DPH6: variants seen among roughly 807,000 people sequenced by gnomAD.
DPH6 encodes the protein diphthamine biosynthesis 6, also known as diphthine--ammonia ligase.
A neutral mutation model predicts 38.2 loss-of-function variants in DPH6; 33 were observed. The ratio of observed to expected loss-of-function variants is 0.86; its 90% CI spans 0.65 to 1.15. The LOEUF (loss-of-function observed/expected upper bound fraction) is 1.15. Among genes scored for constraint, DPH6 ranks in the 50% most tolerant of loss-of-function variants. The pLI is 0.00. For synonymous variants in DPH6, 108 were observed against 103.0 expected (o/e 1.05, Z -0.30); for missense variants, 325 against 320.0 (o/e 1.02, Z -0.12).
intron 6 of DPH6, among the ~76,000 whole-genome samples, chr15:35,404,731 A>C (rs769339667): frequency 4.1e-4 from 62 of 152,094 alleles, no homozygotes; most frequent in Non-Finnish European, 7.4e-5. Context: ...AACTTGATGC[A>C]ATCCCATCTG....
the DPH6 span, among the ~76,000 whole-genome samples, chr15:35,185,955 C>T: frequency 1.3e-5 from 2 of 151,882 alleles, no homozygotes; most frequent in Non-Finnish European, 2.9e-5. Context: ...AGGATGGTCT[C>T]GATCTCCTGA....
At chr15:35,380,664 T>C (rs906523146) in intron 7 of DPH6, among the ~76,000 whole-genome samples, 1 of 152,214 alleles carries the variant, frequency 6.6e-6, no homozygotes, top group African/African-American at 2.4e-5. Flanking sequence ...TATTATTTCA[T>C]AGAAGTAATA....
intron 3 of DPH6, chr15:35,282,958 T>C: frequency 3.3e-6 from 1 of 306,616 alleles, no homozygotes; most frequent in Non-Finnish European, 6.8e-6. Flanking sequence ...TGTTCAGGCT[T>C]GGCCTGCACA....
At position 35,472,959 on chromosome 15, in the gene DPH6, G is replaced by GT. The variant is rs143672428; in HGVS notation, c.313-18140dup. 3.5e-3 allele frequency among the ~76,000 whole-genome samples: 533 copies of GT among 151,090 alleles called. 3 individuals carry two copies. The highest frequency in any genetic ancestry group is 0.012 in the African/African-American group (514 of 41,214). The stretch of plus-strand genomic sequence containing the variant: ...ACATCATAAAATTCAGTGGTATCCA[G>GT]TATCACCACATGCAGGGTTAGTAAT... On this transcript the variant is annotated intron_variant, in intron 3 of 8. Coordinates refer to ENST00000256538, the MANE Select transcript of DPH6 (RefSeq NM_080650.4).
At chr15:35,524,495 A>C (rs2054969993) in intron 3 of DPH6, among the ~76,000 whole-genome samples, 1 of 152,118 alleles carries the variant, frequency 6.6e-6, no homozygotes, top group Admixed American at 6.6e-5. Flanking sequence ...TTATGTATGC[A>C]CTATATATGT....
chr15:35,504,289 CTAGTCACACCAAA>C (rs2054665956), intron 3 of DPH6, among the ~76,000 whole-genome samples: 1 of 152,068 alleles, frequency 6.6e-6, no homozygotes, highest in Admixed American at 6.6e-5. Context: ...TATATATCAT[CTAGTCACACCAAA>C]TTATGAGAGG....
At chr15:35,422,890 G>C (rs1388714377) in intron 5 of DPH6, among the ~76,000 whole-genome samples, 2 of 151,752 alleles carry the variant, frequency 1.3e-5, no homozygotes, top group African/African-American at 4.8e-5. Context: ...AAAATGGTTA[G>C]ATTTCCTTTT....
At chr15:35,271,062 A>G (rs996909571) in intron 3 of DPH6, among the ~76,000 whole-genome samples, 1 of 152,192 alleles carries the variant, frequency 6.6e-6, no homozygotes, top group African/African-American at 2.4e-5. Flanking sequence ...GAATTGAGGT[A>G]GGGTATAAAT....
At chr15:35,378,835 G>C (rs796951320) in intron 7 of DPH6, among the ~76,000 whole-genome samples, 4 of 151,884 alleles carry the variant, frequency 2.6e-5, no homozygotes, top group African/African-American at 7.2e-5. Context: ...GGGGTGGGGG[G>C]CTGGGGGAAG....
intron 5 of DPH6, among the ~76,000 whole-genome samples, chr15:35,447,734 A>G (rs555259104): frequency 1.3e-5 from 2 of 152,210 alleles, no homozygotes; most frequent in South Asian, 4.1e-4. Flanking sequence ...TTGTGCATTG[A>G]CAACACTTTC....
At chr15:35,258,136 T>C (rs1005235729) in intron 3 of DPH6, among the ~76,000 whole-genome samples, 1 of 152,182 alleles carries the variant, frequency 6.6e-6, no homozygotes, top group African/African-American at 2.4e-5. Flanking sequence ...TGTTTTTAAT[T>C]TGTGCCAAGA....
chr15:35,202,032 G>A, the DPH6 span, among the ~76,000 whole-genome samples: 3 of 151,654 alleles, frequency 2.0e-5, no homozygotes, highest in Non-Finnish European at 4.4e-5. Flanking sequence ...ATGAGAATTT[G>A]TTTTCCTTTT....
At chr15:35,366,752 T>G (rs1262980654), downstream of DPH6, among the ~76,000 whole-genome samples, 1 of 151,946 alleles carries the variant, frequency 6.6e-6, no homozygotes, top group East Asian at 1.9e-4. Context: ...CAACAACATA[T>G]TATGGCCATA....
chr15:35,473,534 T>G (rs971863990), intron 3 of DPH6, among the ~76,000 whole-genome samples: 6 of 152,158 alleles, frequency 3.9e-5, no homozygotes, highest in African/African-American at 1.4e-4. Flanking sequence ...AAAATCAGAC[T>G]GTCTTTTTCA....
At chr15:35,190,684 G>A in the DPH6 span, among the ~76,000 whole-genome samples, 2 of 152,180 alleles carry the variant, frequency 1.3e-5, no homozygotes, top group Non-Finnish European at 2.9e-5. Flanking sequence ...CTACTACAAA[G>A]GCAGACTGAT....
intron 3 of DPH6, among the ~76,000 whole-genome samples, chr15:35,297,400 G>A (rs1415603857): frequency 6.7e-6 from 1 of 149,776 alleles, no homozygotes. Context: ...TCTTGTCTAA[G>A]TTCTCAACAA....
At chr15:35,288,309 G>A (rs922031706) in intron 3 of DPH6, among the ~76,000 whole-genome samples, 3 of 152,056 alleles carry the variant, frequency 2.0e-5, no homozygotes, top group African/African-American at 7.2e-5. Flanking sequence ...AAAAAGGAAA[G>A]GTTTACCAGT....
intron 3 of DPH6, among the ~76,000 whole-genome samples, chr15:35,515,722 G>GAAAAAAAAAAAAAAAAAAA (rs61568573): frequency 1.3e-5 from 1 of 77,950 alleles, no homozygotes; most frequent in African/African-American, 5.0e-5. Context: ...CTCCGTCTCA[G>GAAAAAAAAAAAAAAAAAAA]AAAAAAAAAA....
At chr15:35,509,103 A>G (rs1311189337) in intron 3 of DPH6, among the ~76,000 whole-genome samples, 1 of 152,186 alleles carries the variant, frequency 6.6e-6, no homozygotes, top group Admixed American at 6.5e-5. Flanking sequence ...TGTGCCTATT[A>G]TATCAAATTC....
Sources: allele counts gnomAD v4.1 joint callset (sites outside exome capture counted in the v4.1 genomes callset), GRCh38; gene constraint gnomAD v4.1.1; transcripts MANE v1.5; gene names NCBI Gene and HGNC (gene_info 2026-07-23, HGNC 2026-07-21).